The following TSPAN18 variants were observed in gnomAD, a reference collection of about 807,000 sequenced individuals.
TSPAN18 encodes the protein tetraspanin-18.
A neutral mutation model predicts 27.3 loss-of-function variants in TSPAN18; 14 were observed. The ratio of observed to expected loss-of-function variants is 0.51; its 90% confidence interval spans 0.34 to 0.80. The LOEUF (loss-of-function observed/expected upper bound fraction) is 0.80, where lower values mean the gene tolerates loss of function less well. TSPAN18 is among the 30% of genes least tolerant of loss of function. The probability of loss-of-function intolerance (pLI) is 0.01; values close to 1 mark genes in which losing one functional copy is unlikely to be tolerated. For missense variants in TSPAN18, 268 were observed against 323.9 expected, an observed-to-expected ratio of 0.83 and a Z score of 1.32; for synonymous variants, 143 against 136.5, an observed-to-expected ratio of 1.05 and a Z score of -0.33.
At chr11:44,917,871 TA>T (rs1859970150) in intron 5 of TSPAN18, 100 bp from the exon 6 acceptor site, 1 of 1,059,934 alleles carries the variant, frequency 9.4e-7, no homozygotes, top group African/African-American at 1.6e-5. Context: ...AAAATGAGTA[TA>T]CTGCGTCACT....
chr11:44,926,633 C>T (rs1001041482), intron 8 of TSPAN18, 41 bp from the exon 9 acceptor site: 10 of 1,586,068 alleles, frequency 6.3e-6, no homozygotes, highest in Admixed American at 1.7e-5. Context: ...CCAGGACTCT[C>T]AACCCTGGCC....
Position 44,751,388 on chromosome 11 carries a change from A to C in TSPAN18, c.-239-13038A>C, listed in dbSNP as rs543565273. Among the ~76,000 whole-genome samples, 12 of 152,216 alleles carry C rather than the reference A, an allele frequency of 7.9e-5. No individual in the cohort carries two copies. In the East Asian group the frequency reaches 2.1e-3, roughly 27 times the overall value. On this transcript the variant is annotated intron_variant, in intron 1 of 9. Transcript: ENST00000520358. ...GGGTTCAGATGCTGGCTCTTACTGC[A>C]TGAATCTGTGATCTTTGGCTAACTG...
chr11:44,733,573 A>T (rs1247734127), intron 1 of TSPAN18, among the ~76,000 whole-genome samples: 1 of 143,942 alleles, frequency 6.9e-6, no homozygotes, highest in Non-Finnish European at 1.5e-5. Flanking sequence ...TCCTCCCTGC[A>T]TTCCTCAATA....
intron 3 of TSPAN18, among the ~76,000 whole-genome samples, chr11:44,888,452 G>A (rs1272264501): frequency 6.6e-6 from 1 of 152,134 alleles, no homozygotes; most frequent in African/African-American, 2.4e-5. Context: ...TTATTGGGGG[G>A]CACCATCTAG....
At position 44,926,594 on chromosome 11, in the gene TSPAN18, A is replaced by T. The variant is rs1398627093; in HGVS notation, c.616-80A>T. 24 of 1,303,332 alleles carry T rather than the reference A, an allele frequency of 1.8e-5. No individual in the cohort carries two copies. In the East Asian group the frequency reaches 5.6e-4, roughly 30 times the overall value. The allele number at this position is 1,303,332 out of a possible 1,614,324, so 80.7% of individuals were successfully genotyped here. On this transcript the variant is annotated intron_variant, in intron 8 of 9. Transcript: ENST00000520358. The stretch of plus-strand genomic sequence containing the variant: ...GAGAGCTCTGGGGACACCTGCCATG[A>T]ACCCTAGTCCACATGCTGGACTCTG...
At chr11:44,848,940 T>A (rs553735023) in intron 2 of TSPAN18, among the ~76,000 whole-genome samples, 3 of 152,314 alleles carry the variant, frequency 2.0e-5, no homozygotes, top group Admixed American at 6.5e-5. Flanking sequence ...CAGGCAGAAC[T>A]GAGTTCAAGT....
At chr11:44,821,346 C>A (rs1856924635) in intron 2 of TSPAN18, among the ~76,000 whole-genome samples, 1 of 152,086 alleles carries the variant, frequency 6.6e-6, no homozygotes, top group Non-Finnish European at 1.5e-5. Flanking sequence ...AAAATTAGGG[C>A]CAAGACATTT....
intron 2 of TSPAN18, among the ~76,000 whole-genome samples, chr11:44,775,842 T>C (rs1052106642): frequency 3.9e-5 from 6 of 152,226 alleles, no homozygotes; most frequent in Non-Finnish European, 8.8e-5. Flanking sequence ...TAAAGCTAAG[T>C]GGCAGACGAT....
chr11:44,753,256 G>A (rs537412861), intron 1 of TSPAN18, among the ~76,000 whole-genome samples: 1 of 152,226 alleles, frequency 6.6e-6, no homozygotes, highest in East Asian at 1.9e-4. Context: ...AACCTCCCGA[G>A]TAGCTGGGAT....
chr11:44,892,480 G>A (rs1858887001), intron 3 of TSPAN18, among the ~76,000 whole-genome samples: 1 of 152,230 alleles, frequency 6.6e-6, no homozygotes, highest in Non-Finnish European at 1.5e-5. Flanking sequence ...TTCAAACTGC[G>A]TGGGTTTCCC....
intron 3 of TSPAN18, among the ~76,000 whole-genome samples, chr11:44,877,819 CTTTG>C (rs986474957): frequency 2.6e-5 from 4 of 151,870 alleles, no homozygotes; most frequent in African/African-American, 9.7e-5. Flanking sequence ...AAATAGATGT[CTTTG>C]TTTGCATTCT....
At chr11:44,890,742 CAA>C (rs60185116) in intron 3 of TSPAN18, among the ~76,000 whole-genome samples, 140 of 80,418 alleles carry the variant, frequency 1.7e-3, no homozygotes, top group African/African-American at 4.1e-3. Flanking sequence ...GACTCCAACT[CAA>C]AAAAAAAAAA....
At chr11:44,833,445 C>T (rs916390305) in intron 2 of TSPAN18, among the ~76,000 whole-genome samples, 5 of 152,154 alleles carry the variant, frequency 3.3e-5, no homozygotes, top group Admixed American at 6.5e-5. Context: ...CTTCCACCTC[C>T]TCCAGGAAGC....
At chr11:44,925,017 G>A (rs1860298297) in intron 8 of TSPAN18, among the ~76,000 whole-genome samples, 1 of 152,238 alleles carries the variant, frequency 6.6e-6, no homozygotes, top group African/African-American at 2.4e-5. Context: ...CCACACTGAT[G>A]TCCTGGCCTG....
At chr11:44,918,586 A>C (rs1860001925) in intron 6 of TSPAN18, among the ~76,000 whole-genome samples, 1 of 144,014 alleles carries the variant, frequency 6.9e-6, no homozygotes, top group South Asian at 2.3e-4. Flanking sequence ...GCAATGGGGC[A>C]GGAGACACAA....
chr11:44,781,466 T>C (rs756616214), intron 2 of TSPAN18, among the ~76,000 whole-genome samples: 13 of 152,340 alleles, frequency 8.5e-5, no homozygotes, highest in Admixed American at 6.5e-4. Flanking sequence ...CACTATTGTG[T>C]CTGTGTTGCT....
chr11:44,881,521 C>T (rs1333491925), intron 3 of TSPAN18, among the ~76,000 whole-genome samples: 1 of 152,234 alleles, frequency 6.6e-6, no homozygotes, highest in Non-Finnish European at 1.5e-5. Context: ...AAAGGGTCTT[C>T]ATCCTAGTTT....
chr11:44,785,314 T>A (rs1381876834), intron 2 of TSPAN18, among the ~76,000 whole-genome samples: 2 of 152,176 alleles, frequency 1.3e-5, no homozygotes, highest in Admixed American at 6.5e-5. Flanking sequence ...TGATTTTTTT[T>A]AATAGCTTTT....
chr11:44,791,709 G>A (rs974467797), intron 2 of TSPAN18, among the ~76,000 whole-genome samples: 2 of 152,238 alleles, frequency 1.3e-5, no homozygotes, highest in South Asian at 2.1e-4. Flanking sequence ...GGCTCCGGGA[G>A]CAATGTGCAG....
Sources: gnomAD v4.1 joint callset for allele counts (sites outside exome capture counted in the v4.1 genomes callset) on GRCh38, gnomAD v4.1.1 for gene constraint, MANE v1.5 for transcripts, NCBI Gene and HGNC (gene_info 2026-07-23, HGNC 2026-07-21) for gene names.